DAB1: variants seen among roughly 807,000 people sequenced by gnomAD.
DAB1 encodes the protein disabled homolog 1.
Under a neutral mutation model 64.6 loss-of-function variants are expected in DAB1, and 15 were observed. The observed-to-expected ratio is 0.23, with a 90% CI of 0.16 to 0.36. DAB1 has a LOEUF of 0.36. Ranked by LOEUF, DAB1 falls within the 10% of genes least tolerant of loss-of-function variation. The pLI, the probability that DAB1 is intolerant of heterozygous loss-of-function variation, is 1.00. For missense variants in DAB1, 596 were observed against 706.7 expected, an observed-to-expected ratio of 0.84 and a Z score of 1.78; for synonymous variants, 235 against 251.9, an observed-to-expected ratio of 0.93 and a Z score of 0.64.
chr1:58,479,559 C>T (rs1329727445), intron 3 of DAB1, among the ~76,000 whole-genome samples: 1 of 151,960 alleles, frequency 6.6e-6, no homozygotes, highest in African/African-American at 2.4e-5. Flanking sequence ...CTATGCTTTT[C>T]ATGTCAATTT....
chr1:57,287,700 T>C (rs776665127), intron 2 of DAB1, among the ~76,000 whole-genome samples: 2 of 152,170 alleles, frequency 1.3e-5, no homozygotes, highest in Non-Finnish European at 2.9e-5. Context: ...GCAAATTTGT[T>C]TAATGAAATA....
At chr1:58,074,982 A>C (rs938372277) in intron 5 of DAB1, among the ~76,000 whole-genome samples, 1 of 152,120 alleles carries the variant, frequency 6.6e-6, no homozygotes, top group African/African-American at 2.4e-5. Context: ...AAAGTTTCCA[A>C]AGCTGAATTG....
chr1:57,477,320 A>G (rs958048921), intron 7 of DAB1, among the ~76,000 whole-genome samples: 1 of 152,178 alleles, frequency 6.6e-6, no homozygotes, highest in African/African-American at 2.4e-5. Flanking sequence ...ATAAAACAAT[A>G]CTTACCCTGT....
intron 3 of DAB1, among the ~76,000 whole-genome samples, chr1:58,499,326 A>AG (rs1409095491): frequency 6.6e-6 from 1 of 151,072 alleles, no homozygotes; most frequent in East Asian, 1.9e-4. Flanking sequence ...AAAAAAAAAA[A>AG]AAAAAAAAAA....
In DAB1 at chr1:57,188,807, CT is replaced by C. The variant is rs1663849075; in HGVS notation, c.68-43379del. Among the ~76,000 whole-genome samples, 9 of 152,326 alleles carry C rather than the reference CT, an allele frequency of 5.9e-5. No individual in the cohort carries two copies. In the South Asian group the frequency reaches 1.7e-3, roughly 28 times the overall value. The stretch of plus-strand genomic sequence containing the variant: ...ATGCTTTCCACATTAACTCACTATA[CT>C]ACTTCAATAGTTAGAGCTAAAATTT... On this transcript the variant is annotated intron_variant, in intron 2 of 14. Coordinates refer to ENST00000371236, the MANE Select transcript of DAB1 (RefSeq NM_001365792.1).
chr1:57,025,752 C>T (rs535573119), intron 10 of DAB1, among the ~76,000 whole-genome samples: 73 of 152,320 alleles, frequency 4.8e-4, no homozygotes, highest in African/African-American at 1.5e-3. Context: ...TGCATGGTCT[C>T]GTTTATTTCT....
At chr1:57,821,301 G>C (rs146449380), downstream of DAB1, among the ~76,000 whole-genome samples, 2 of 152,012 alleles carry the variant, frequency 1.3e-5, no homozygotes, top group African/African-American at 4.8e-5. Flanking sequence ...GAGATAGAGG[G>C]CATAATAATA....
At chr1:57,529,050 T>A (rs1285557910) in intron 7 of DAB1, among the ~76,000 whole-genome samples, 1 of 151,980 alleles carries the variant, frequency 6.6e-6, no homozygotes, top group Non-Finnish European at 1.5e-5. Flanking sequence ...CATGTAGAAG[T>A]AAAATACATG....
At chr1:57,889,015 G>A (rs1392611043), upstream of DAB1, among the ~76,000 whole-genome samples, 2 of 152,182 alleles carry the variant, frequency 1.3e-5, no homozygotes, top group African/African-American at 4.8e-5. Context: ...AGAGTTGGCA[G>A]TGCCTGAGCT....
chr1:57,194,355 G>A (rs1557910657), intron 2 of DAB1, among the ~76,000 whole-genome samples: 1 of 152,184 alleles, frequency 6.6e-6, no homozygotes, highest in Admixed American at 6.5e-5. Context: ...AGGCCTGAGT[G>A]ATTTCACGTA....
intron 5 of DAB1, among the ~76,000 whole-genome samples, chr1:57,994,479 G>A (rs542700949): frequency 6.6e-6 from 1 of 152,280 alleles, no homozygotes; most frequent in South Asian, 2.1e-4. Flanking sequence ...TCAGAGCACA[G>A]GCCAAGCTGC....
At chr1:57,983,385 G>A (rs1406613289) in intron 5 of DAB1, among the ~76,000 whole-genome samples, 4 of 152,162 alleles carry the variant, frequency 2.6e-5, no homozygotes, top group Non-Finnish European at 5.9e-5. Context: ...GAAAGATTCA[G>A]GGGTGAAATC....
intron 2 of DAB1, among the ~76,000 whole-genome samples, chr1:57,231,012 GTAT>G (rs918435983): frequency 3.3e-5 from 5 of 152,008 alleles, no homozygotes; most frequent in African/African-American, 4.8e-5. Flanking sequence ...ATAATTATTA[GTAT>G]TATTAATAGT....
intron 7 of DAB1, among the ~76,000 whole-genome samples, chr1:57,452,199 G>C (rs7546507): frequency 0.54 from 64,825 of 119,586 alleles, 16,945 homozygotes; most frequent in Admixed American, 0.64. Flanking sequence ...ACATGGTCTT[G>C]CTCTCTCACC....
chr1:57,389,390 C>T (rs989199866), intron 1 of DAB1, among the ~76,000 whole-genome samples: 6 of 152,178 alleles, frequency 3.9e-5, no homozygotes, highest in African/African-American at 1.4e-4. Flanking sequence ...CTGCCTACCA[C>T]CACAGCTCAA....
chr1:57,695,385 A>AGAGAAAAGAAAG (rs1646826471), intron 6 of DAB1, among the ~76,000 whole-genome samples: 1 of 74,228 alleles, frequency 1.3e-5, no homozygotes, highest in Admixed American at 1.4e-4. Context: ...AGAAAGAAAG[A>AGAGAAAAGAAAG]AAGAAAGAAA....
intron 5 of DAB1, among the ~76,000 whole-genome samples, chr1:58,040,580 T>G (rs1301522745): frequency 6.6e-6 from 1 of 152,228 alleles, no homozygotes; most frequent in Non-Finnish European, 1.5e-5. Context: ...TATTTTGACC[T>G]TATAAAACTG....
chr1:58,355,027 C>A (rs368664668), intron 3 of DAB1, among the ~76,000 whole-genome samples: 5 of 152,218 alleles, frequency 3.3e-5, no homozygotes, highest in Middle Eastern at 3.4e-3. Flanking sequence ...CATTTATTTC[C>A]TGAATAACTC....
chr1:57,792,981 C>G (rs1283562860), intron 6 of DAB1, among the ~76,000 whole-genome samples: 1 of 152,174 alleles, frequency 6.6e-6, no homozygotes, highest in Non-Finnish European at 1.5e-5. Context: ...TTAAATATCA[C>G]AAAGCTAATC....
Sources: allele counts gnomAD v4.1 joint callset (sites outside exome capture counted in the v4.1 genomes callset), GRCh38; gene constraint gnomAD v4.1.1; transcripts MANE v1.5; gene names NCBI Gene and HGNC (gene_info 2026-07-23, HGNC 2026-07-21).